Variants in WNT3A observed in about 807,000 individuals in gnomAD.
WNT3A encodes protein Wnt-3a.
Under a neutral mutation model 37.0 loss-of-function variants are expected in WNT3A, and 17 were observed. The observed-to-expected ratio is 0.46, with a 90% CI of 0.31 to 0.69. The LOEUF (loss-of-function observed/expected upper bound fraction) is 0.69, where lower values mean the gene tolerates loss of function less well. Among genes scored for constraint, WNT3A ranks in the 30% least tolerant of loss-of-function variants. WNT3A has a pLI of 0.05. For missense variants in WNT3A, 411 were observed against 510.2 expected (o/e 0.81, Z 1.87); for synonymous variants, 187 against 211.0 (o/e 0.89, Z 0.99).
intron 2 of WNT3A, among the ~76,000 whole-genome samples, chr1:228,045,684 T>C (rs1298391258): frequency 6.6e-6 from 1 of 151,972 alleles, no homozygotes; most frequent in Non-Finnish European, 1.5e-5. Flanking sequence ...TAACATGGGG[T>C]CAGGGGTGGG....
At chr1:228,054,127 C>T (rs887472627) in intron 3 of WNT3A, among the ~76,000 whole-genome samples, 2 of 152,148 alleles carry the variant, frequency 1.3e-5, no homozygotes, top group African/African-American at 4.8e-5. Flanking sequence ...TAGGCTGTGA[C>T]CCTGAAGAGC....
At position 228,060,476 on chromosome 1, in the gene WNT3A, G is replaced by GC. The variant is rs1023438134; in HGVS notation, c.*1016dup. On this transcript the variant is annotated 3_prime_UTR_variant, in exon 4 of 4. Transcript: ENST00000284523. Reference sequence around the variant, plus strand: ...TGGGGAAAGCCTGAAGGGCCTCCCAGCCCCCAACCCCAAGACCAAGCTTAG... The same window carrying GC: ...TGGGGAAAGCCTGAAGGGCCTCCCAGCCCCCCAACCCCAAGACCAAGCTTAG... 10 of 389,848 alleles carry GC rather than the reference G, an allele frequency of 2.6e-5. No individual in the cohort carries two copies. The highest frequency in any genetic ancestry group is 2.1e-4 in the African/African-American group (10 of 47,188). The allele number at this position is 389,848 out of a possible 1,614,324, so 24.1% of individuals were successfully genotyped here.
At chr1:228,014,043 G>A (rs952437076) in intron 1 of WNT3A, among the ~76,000 whole-genome samples, 2 of 152,192 alleles carry the variant, frequency 1.3e-5, no homozygotes, top group African/African-American at 4.8e-5. Context: ...GTCCCAGGAG[G>A]CGACCAGCTG....
intron 1 of WNT3A, among the ~76,000 whole-genome samples, chr1:228,015,247 C>T (rs1284212763): frequency 1.3e-5 from 2 of 152,186 alleles, no homozygotes; most frequent in Non-Finnish European, 2.9e-5. Flanking sequence ...CTAGCCCAGC[C>T]CTGCCGTTCC....
intron 2 of WNT3A, among the ~76,000 whole-genome samples, chr1:228,032,373 G>C (rs941221395): frequency 1.3e-5 from 2 of 152,170 alleles, no homozygotes; most frequent in African/African-American, 4.8e-5. Flanking sequence ...ATTGGCTGGG[G>C]GCCCAGCCAG....
intron 2 of WNT3A, among the ~76,000 whole-genome samples, chr1:228,025,096 T>C (rs1464426507): frequency 6.6e-6 from 1 of 152,208 alleles, no homozygotes; most frequent in Non-Finnish European, 1.5e-5. Context: ...TTGTTCTTTC[T>C]TTTCCAGATT....
rs888019490 is a variant in WNT3A at position 228,037,523 on chromosome 1, T to C, written c.314-13133T>C. Among the ~76,000 whole-genome samples, 2 of 152,036 alleles carry C rather than the reference T, an allele frequency of 1.3e-5. No homozygotes were observed. Among genetic ancestry groups the C allele is most frequent in the Non-Finnish European group, 2.9e-5 (2 of 67,968 alleles). On this transcript the variant is annotated intron_variant, in intron 2 of 3. Coordinates refer to ENST00000284523, the MANE Select transcript of WNT3A (RefSeq NM_033131.4). The surrounding 1 kb of genome is among the most constrained non-coding windows in gnomAD (Gnocchi z 4.1). ...GTCCGCCACCTCCCTGTGTGTCCCC[T>C]GCCTATGAGGGCCGGCACAGGGGTG... is the stretch of plus-strand genomic sequence containing the variant.
chr1:228,054,733 A>C (rs892806035), intron 3 of WNT3A, among the ~76,000 whole-genome samples: 1 of 151,588 alleles, frequency 6.6e-6, no homozygotes, highest in Non-Finnish European at 1.5e-5. Context: ...AAAAAAAAAA[A>C]CACAAGTACA....
At position 228,059,392 on chromosome 1, in the gene WNT3A, G is replaced by A; in HGVS notation, c.986G>A (p.Cys329Tyr). 1 of 1,561,982 alleles carries A rather than the reference G, an allele frequency of 6.4e-7. No homozygotes were observed. Among genetic ancestry groups the A allele is most frequent in the Non-Finnish European group, 8.6e-7 (1 of 1,158,084 alleles). ...RAERRREKCR[C>Y]VFHWCCYVSC... ...GAGCGGCGCCGGGAGAAGTGCCGCTGCGTGTTCCACTGGTGCTGCTACGTC... is the reference window on the plus strand; with the variant it reads ...GAGCGGCGCCGGGAGAAGTGCCGCTACGTGTTCCACTGGTGCTGCTACGTC... Residue 329 changes from cysteine (C) to tyrosine (Y), a missense_variant, in exon 4 of 4, where the codon TGC (cysteine) becomes TAC (tyrosine). By Grantham distance (194) the Cys-to-Tyr change is radical (BLOSUM62 -2). Transcript: ENST00000284523.
intron 3 of WNT3A, among the ~76,000 whole-genome samples, chr1:228,051,668 A>G (rs913856541): frequency 1.3e-5 from 2 of 152,014 alleles, no homozygotes; most frequent in African/African-American, 4.8e-5. Flanking sequence ...TTATAAGGGC[A>G]TTGTTTTAGG....
intron 2 of WNT3A, among the ~76,000 whole-genome samples, chr1:228,043,907 C>T (rs1336458261): frequency 6.6e-6 from 1 of 152,204 alleles, no homozygotes; most frequent in Non-Finnish European, 1.5e-5. Flanking sequence ...GCCGCTGTGC[C>T]TGCCACTTGG....
intron 2 of WNT3A, among the ~76,000 whole-genome samples, chr1:228,043,650 G>C (rs1345737620): frequency 6.6e-6 from 1 of 152,238 alleles, no homozygotes. Context: ...CTGGACGTAA[G>C]TCCTGGCCTC....
rs1204594190 is a variant in WNT3A, at chr1:228,038,932, A to AT, written c.314-11717dup. Among the ~76,000 whole-genome samples the AT allele has an allele frequency of 1.3e-5, 2 of 151,934 alleles. No individual in the cohort carries two copies. Among genetic ancestry groups the AT allele is most frequent in the Non-Finnish European group, 1.5e-5 (1 of 67,958 alleles). ...AGGGTGCACTTGGGGGACAGAGGGC[A>AT]TTTTTTTGTCACAGTGGAGGTGAGA... On this transcript the variant is annotated intron_variant, in intron 2 of 3. Coordinates refer to ENST00000284523, the MANE Select transcript of WNT3A (RefSeq NM_033131.4). This position sits in a 1 kb window ranked among gnomAD's most constrained non-coding sequence, Gnocchi z 5.7.
At chr1:228,023,610 CAG>C (rs2030784472) in intron 2 of WNT3A, among the ~76,000 whole-genome samples, 1 of 151,984 alleles carries the variant, frequency 6.6e-6, no homozygotes. Flanking sequence ...GACAGAGAGA[CAG>C]AGACGGAGAG....
intron 2 of WNT3A, among the ~76,000 whole-genome samples, chr1:228,025,137 TG>T (rs746898010): frequency 3.3e-5 from 5 of 152,172 alleles, no homozygotes; most frequent in African/African-American, 9.7e-5. Context: ...AAGATTGTTT[TG>T]GCTATTTGGG....
intron 2 of WNT3A, among the ~76,000 whole-genome samples, chr1:228,046,966 C>T (rs1379717495): frequency 6.6e-6 from 1 of 152,134 alleles, no homozygotes; most frequent in Non-Finnish European, 1.5e-5. Flanking sequence ...AGGCTGGGGC[C>T]TCCTAGGGGC....
chr1:228,059,091 G>T lies in WNT3A; in HGVS notation c.685G>T (p.Asp229Tyr), dbSNP rs528410256. The T allele has an allele frequency of 6.2e-7, 1 of 1,613,776 alleles. No homozygotes were observed. Among genetic ancestry groups the T allele is most frequent in the Admixed American group, 1.7e-5 (1 of 60,030 alleles). ...GCAACCCGACTTCCGCGCCATCGGT[G>T]ACTTCCTCAAGGACAAGTACGACAG... ...WSQPDFRAIG[D>Y]FLKDKYDSAS... Residue 229 changes from aspartate to tyrosine, a missense_variant, in exon 4 of 4, where the codon GAC (aspartate) becomes TAC (tyrosine). By Grantham distance (160) the Asp-to-Tyr change is radical (BLOSUM62 -3). Transcript: ENST00000284523.
intron 3 of WNT3A, among the ~76,000 whole-genome samples, chr1:228,057,304 A>G (rs2031702056): frequency 6.6e-6 from 1 of 152,116 alleles, no homozygotes; most frequent in Non-Finnish European, 1.5e-5. Flanking sequence ...AGAGAAAACT[A>G]ACTGCCACCC....
intron 1 of WNT3A, among the ~76,000 whole-genome samples, chr1:228,015,702 C>A (rs986607548): frequency 6.7e-6 from 1 of 149,690 alleles, no homozygotes. Context: ...CCACCACCCC[C>A]GCCTCCCCCC....
Sources: gnomAD v4.1 joint callset for allele counts (sites outside exome capture counted in the v4.1 genomes callset) on GRCh38, gnomAD v4.1.1 for gene constraint, Gnocchi (gnomAD v3.1) non-coding constraint, MANE v1.5 for transcripts, NCBI Gene and HGNC (gene_info 2026-07-23, HGNC 2026-07-21) for gene names.